The following POLRMT variants were observed in gnomAD, a reference collection of about 807,000 sequenced individuals.
POLRMT encodes DNA-directed RNA polymerase, mitochondrial.
POLRMT carries 114 observed loss-of-function variants against 132.2 expected under a neutral mutation model. That is an observed-to-expected ratio of 0.86 (90% CI 0.74 to 1.01). The LOEUF is 1.01. Among genes scored for constraint, POLRMT ranks in the 50% least tolerant of loss-of-function variants. The pLI is 0.00. For missense variants in POLRMT, 2,003 were observed against 1,729.1 expected (o/e 1.16, Z -2.81); for synonymous variants, 1,020 against 773.4 (o/e 1.32, Z -5.29).
intron 2 of POLRMT, among the ~76,000 whole-genome samples, chr19:632,237 G>A (rs922257872): frequency 4.6e-5 from 7 of 152,078 alleles, no homozygotes; most frequent in African/African-American, 1.2e-4. Context: ...ACCTGGCCAG[G>A]TTTTTTCCCT....
rs755535037 is a variant in POLRMT, at chr19:619,231, G to A, written c.3132C>T (p.Phe1044=). ...RQVFKSLQEM[F]SGTRAIQHWL... ...GTACCTGGATGGCCCGGGTCCCCGA[G>A]AACATCTCCTGTAGACTCTTGAAGA... The change falls in exon 14 of 21, where the codon TTC becomes TTT. Residue 1044 remains phenylalanine (F), a synonymous_variant. Transcript: ENST00000588649. The A allele has an allele frequency of 9.9e-6, 16 of 1,610,346 alleles. No individual in the cohort carries two copies. Among genetic ancestry groups the A allele is most frequent in the East Asian group, 8.9e-5 (4 of 44,826 alleles).
intron 2 of POLRMT, 79 bp downstream of exon 2, chr19:632,755 G>A (rs1451449478): frequency 2.3e-6 from 3 of 1,279,650 alleles, no homozygotes; most frequent in Non-Finnish European, 3.2e-6. Context: ...GCCTGTCTCA[G>A]AATCTGAGCC....
chr19:624,859 A>G lies in POLRMT; in HGVS notation c.1000T>C (p.Phe334Leu). ...TCCTCAGACAGCAGAACGGCGGTGA[A>G]GAGTGCCTGCAGCTTCAGCCCCTCC... ...SQEGLKLQAL[F>L]TAVLLSEEDR... Residue 334 changes from phenylalanine to leucine, a missense_variant, in exon 5 of 21, where the codon TTC becomes CTC. Phe to Leu is a conservative substitution (Grantham distance 22). Coordinates refer to ENST00000588649, the MANE Select transcript of POLRMT (RefSeq NM_005035.4). The G allele has an allele frequency of 6.2e-7, 1 of 1,613,154 alleles. No homozygotes were observed. The highest frequency in any genetic ancestry group is 1.3e-5 in the African/African-American group (1 of 75,058).
chr19:621,136 C>T lies in POLRMT; in HGVS notation c.2562G>A (p.Arg854=). The change falls in exon 10 of 21, where the codon CGG becomes CGA. Residue 854 remains arginine (R), a synonymous_variant. Coordinates refer to ENST00000588649, the MANE Select transcript of POLRMT (RefSeq NM_005035.4). ...HLVNLTGLKK[R]EPLRKRLAFA... Reference sequence around the variant, plus strand: ...AGGCCAGGCGCTTCCGCAGCGGCTCCCGCTTCTTCAACCCCGTGAGATTGA... The same window carrying T: ...AGGCCAGGCGCTTCCGCAGCGGCTCTCGCTTCTTCAACCCCGTGAGATTGA... 6.2e-7 allele frequency: 1 copy of T among 1,611,112 alleles called. No homozygotes were observed. The highest frequency in any genetic ancestry group is 8.5e-7 in the Non-Finnish European group (1 of 1,178,796).
chr19:625,035 T>G, intron 4 of POLRMT, 89 bp downstream of exon 4: 2 of 1,519,908 alleles, frequency 1.3e-6, no homozygotes, highest in Middle Eastern at 4.0e-4. Context: ...CCTCTGGGGG[T>G]CCCCAGCCCC....
In POLRMT at chr19:630,184, G is replaced by T. The variant is rs755866009; in HGVS notation, c.194-16C>A. 3.2e-6 allele frequency: 5 copies of T among 1,567,132 alleles called. No individual in the cohort carries two copies. Among genetic ancestry groups the T allele is most frequent in the Non-Finnish European group, 4.3e-6 (5 of 1,155,614 alleles). On this transcript the variant is annotated splice_polypyrimidine_tract_variant and intron_variant, in intron 2 of 20. Coordinates refer to ENST00000588649, the MANE Select transcript of POLRMT (RefSeq NM_005035.4). ...GCCTGGAGCACTGTGAGGGGCAGAA[G>T]GCGAGGACATGAGAGGGACCCCCTC...
intron 15 of POLRMT, 48 bp downstream of exon 15, chr19:618,949 T>TACACTGGGATGGTGGC (rs1207027315): frequency 6.8e-7 from 1 of 1,463,580 alleles, no homozygotes; most frequent in Admixed American, 2.0e-5. Context: ...GGGACGCTGT[T>TACACTGGGATGGTGGC]ACACTGGGAT....
In POLRMT at chr19:622,282, A is replaced by G. The variant is rs1205874599; in HGVS notation, c.1718T>C (p.Met573Thr). ...REQPWPLPVQ[M>T]ELGKLLAEML... is the part of the protein sequence containing the mutation. ...CTCCGCCAGCAGCTTGCCCAGCTCC[A>G]TCTGCACTGGCAGGGGCCAGGGCTG... The change falls in exon 9 of 21, where the codon ATG (methionine) becomes ACG (threonine). Residue 573 changes from methionine to threonine, a missense_variant. Physicochemically the swap from Met to Thr is moderately conservative, Grantham distance 81. Coordinates refer to ENST00000588649, the MANE Select transcript of POLRMT (RefSeq NM_005035.4). The G allele has an allele frequency of 3.2e-6, 5 of 1,564,570 alleles. No homozygotes were observed. The highest frequency in any genetic ancestry group is 4.3e-6 in the Non-Finnish European group (5 of 1,155,752).
In POLRMT at chr19:621,325, G is replaced by A. The variant is rs1984570425; in HGVS notation, c.2373C>T (p.Asp791=). 2 of 1,593,706 alleles carry A rather than the reference G, an allele frequency of 1.3e-6. No individual in the cohort carries two copies. ...YRLSLAQHLR[D]RVFWLPHNMD... ...TGTTGTGCGGCAGCCAGAAGACGCG[G>A]TCCCGCAGGTGCTGCGCCAGCGAGA... The change falls in exon 10 of 21, where the codon GAC becomes GAT. Residue 791 remains aspartate (D), a synonymous_variant. Coordinates refer to ENST00000588649, the MANE Select transcript of POLRMT (RefSeq NM_005035.4).
Position 629,769 on chromosome 19 carries a change from G to A in POLRMT, c.593C>T (p.Ala198Val), listed in dbSNP as rs764986631. The change falls in exon 3 of 21, where the codon GCC (alanine) becomes GTC (valine). Residue 198 changes from alanine (A) to valine (V), a missense_variant. Coordinates refer to ENST00000588649, the MANE Select transcript of POLRMT (RefSeq NM_005035.4). ...EEQLARLLQE[A>V]PGKLSLDVEQ... ...CACATCGAGGCTCAGCTTCCCAGGG[G>A]CCTCCTGCAGCAGCCGGGCCAGCTG... The A allele has an allele frequency of 1.3e-6, 2 of 1,567,736 alleles. No individual in the cohort carries two copies. The highest frequency in any genetic ancestry group is 2.3e-5 in the South Asian group (2 of 85,534).
Position 619,686 on chromosome 19 carries a change from A to G in POLRMT, c.2966T>C (p.Val989Ala). The change falls in exon 13 of 21, where the codon GTG (valine) becomes GCG (alanine). Residue 989 changes from valine to alanine, a missense_variant. By Grantham distance (64) the Val-to-Ala change is moderately conservative. Transcript: ENST00000588649. Reference sequence around the variant, plus strand: ...CACCGTCATCACCGTCTGCTTCACCACCTTGCGGGTGATGAAACCTTCCAG... The same window carrying G: ...CACCGTCATCACCGTCTGCTTCACCGCCTTGCGGGTGATGAAACCTTCCAG... ...QVLEGFITRK[V>A]VKQTVMTVVY... is the part of the protein sequence containing the mutation. 1.9e-6 allele frequency: 3 copies of G among 1,609,304 alleles called. No individual in the cohort carries two copies. Among genetic ancestry groups the G allele is most frequent in the Non-Finnish European group, 2.5e-6 (3 of 1,178,826 alleles).
At chr19:620,783 G>A (rs1292570534) in intron 10 of POLRMT, among the ~76,000 whole-genome samples, 1 of 128,560 alleles carries the variant, frequency 7.8e-6, no homozygotes, top group African/African-American at 3.0e-5. Flanking sequence ...GCGGATGCAG[G>A]GGAGGGGGGA....
In POLRMT at chr19:620,412, G is replaced by A; in HGVS notation, c.2716C>T (p.Arg906Cys). The A allele has an allele frequency of 1.9e-6, 3 of 1,590,878 alleles. No homozygotes were observed. The highest frequency in any genetic ancestry group is 2.6e-6 in the Non-Finnish European group (3 of 1,169,786). Residue 906 changes from arginine to cysteine, a missense_variant, in exon 11 of 21, where the codon CGC becomes TGC. Physicochemically the swap from Arg to Cys is radical, Grantham distance 180. Transcript: ENST00000588649. ...ACATAGGCGGCAGGGTCGGAGGCGC[G>A]CACAGCGTTCGCCACCTCCATACAG... ...ACCMEVANAV[R>C]ASDPAAYVSH...
intron 6 of POLRMT, 62 bp downstream of exon 6, chr19:623,392 G>A (rs1365075114): frequency 3.8e-6 from 6 of 1,585,342 alleles, no homozygotes; most frequent in East Asian, 2.3e-5. Flanking sequence ...CAGCCCGTGC[G>A]GTGGACACGC....
intron 2 of POLRMT, 142 bp from the exon 3 acceptor site, chr19:630,310 C>A: frequency 2.0e-6 from 2 of 1,017,248 alleles, no homozygotes; most frequent in Non-Finnish European, 2.8e-6. Flanking sequence ...TACTTGCCAA[C>A]AACGTTGTAA....
rs1984115932 is a variant in POLRMT at position 617,794 on chromosome 19, C to CT, written c.3477_3478insA (p.Val1160SerfsTer35). On this transcript the variant is annotated frameshift_variant, in exon 18 of 21. Transcript: ENST00000588649. LOFTEE classifies it high-confidence loss of function. ...GGGGGCACCTGGTTCATGACGGAGACATCAGCTGCGTGAGTCCAGTAACAG... is the reference window on the plus strand; with the variant it reads ...GGGGGCACCTGGTTCATGACGGAGACTATCAGCTGCGTGAGTCCAGTAACAG... The CT allele has an allele frequency of 6.2e-7, 1 of 1,613,272 alleles. No individual in the cohort carries two copies.
At position 632,904 on chromosome 19, in the gene POLRMT, G is replaced by C; in HGVS notation, c.123C>G (p.Ser41Arg). The stretch of plus-strand genomic sequence containing the variant: ...CTTGCTCCTGGGGGCTGGCGGACGA[G>C]CTCCTCCTGGGGCCGCAGACGCCAC... ...TAGGVCGPRRSSSASPQEQDQ... is the reference protein window; with the variant it reads ...TAGGVCGPRRRSSASPQEQDQ... The change falls in exon 2 of 21, where the codon AGC (serine) becomes AGG (arginine). Residue 41 changes from serine (S) to arginine (R), a missense_variant. By Grantham distance (110) the Ser-to-Arg change is moderately radical (BLOSUM62 -1). Transcript: ENST00000588649. 2 of 1,538,372 alleles carry C rather than the reference G, an allele frequency of 1.3e-6. No homozygotes were observed. Among genetic ancestry groups the C allele is most frequent in the Non-Finnish European group, 1.7e-6 (2 of 1,147,008 alleles).
Position 630,012 on chromosome 19 carries a change from A to T in POLRMT, c.350T>A (p.Val117Glu), listed in dbSNP as rs1302669966. The T allele has an allele frequency of 1.9e-6, 3 of 1,613,668 alleles. No individual in the cohort carries two copies. In the African/African-American group the frequency reaches 4.0e-5, roughly 22 times the overall value. The change falls in exon 3 of 21, where the codon GTG (valine) becomes GAG (glutamate). Residue 117 changes from valine to glutamate, a missense_variant. By Grantham distance (121) the Val-to-Glu change is moderately radical (BLOSUM62 -2). Coordinates refer to ENST00000588649, the MANE Select transcript of POLRMT (RefSeq NM_005035.4). Reference protein sequence around the residue: ...VQMGAKDATPVPCGRWAKILE... With the variant: ...VQMGAKDATPEPCGRWAKILE... ...TATCTTTGCCCAGCGGCCACAGGGC[A>T]CCGGGGTGGCATCCTTGGCCCCCAT...
chr19:619,856 C>T (rs1451097082), intron 12 of POLRMT, 91 bp from the exon 13 acceptor site: 4 of 1,566,206 alleles, frequency 2.6e-6, no homozygotes, highest in Non-Finnish European at 3.5e-6. Flanking sequence ...CCAGCCCCAC[C>T]ACATCCTCAG....
Sources: allele counts gnomAD v4.1 joint callset (sites outside exome capture counted in the v4.1 genomes callset), GRCh38; gene constraint gnomAD v4.1.1; transcripts MANE v1.5; gene names NCBI Gene and HGNC (gene_info 2026-07-23, HGNC 2026-07-21).